SYPL1: variants seen among roughly 807,000 people sequenced by gnomAD.
The protein encoded by SYPL1 is synaptophysin like 1.
SYPL1 carries 6 observed loss-of-function variants against 23.7 expected under a neutral mutation model. That is an observed-to-expected ratio of 0.25 (90% CI 0.14 to 0.50). The LOEUF (loss-of-function observed/expected upper bound fraction) is 0.50, where lower values mean the gene tolerates loss of function less well. Ranked by LOEUF, SYPL1 falls within the 20% of genes least tolerant of loss-of-function variation. SYPL1 has a pLI of 0.98. For missense variants in SYPL1, 253 were observed against 288.9 expected, an observed-to-expected ratio of 0.88 and a Z score of 0.90; for synonymous variants, 102 against 104.5, an observed-to-expected ratio of 0.98 and a Z score of 0.15.
Position 106,091,715 on chromosome 7 carries a change from C to T in SYPL1, c.*90G>A, listed in dbSNP as rs1839737297. On this transcript the variant is annotated 3_prime_UTR_variant, in exon 5 of 5. Coordinates refer to ENST00000455385, the MANE Select transcript of SYPL1 (RefSeq NM_182715.4). The surrounding 1 kb of genome is among the most constrained non-coding windows in gnomAD (Gnocchi z 5.0). ...CACCAATATATTGACAAAGCCATTA[C>T]TTTTATTAGAAACAAATAATGCTTC... The T allele has an allele frequency of 1.4e-6, 2 of 1,391,936 alleles. No individual in the cohort carries two copies. Among genetic ancestry groups the T allele is most frequent in the Non-Finnish European group, 1.9e-6 (2 of 1,046,628 alleles). The allele number at this position is 1,391,936 out of a possible 1,614,324, so 86.2% of individuals were successfully genotyped here.
At position 106,097,772 on chromosome 7, in the gene SYPL1, A is replaced by G. The variant is rs1840094571; in HGVS notation, c.320T>C (p.Val107Ala). The G allele has an allele frequency of 3.7e-6, 6 of 1,614,008 alleles. No homozygotes were observed. In the South Asian group the frequency reaches 6.6e-5, roughly 18 times the overall value. The change falls in exon 3 of 5, where the codon GTG (valine) becomes GCG (alanine). Residue 107 changes from valine (V) to alanine (A), a missense_variant. By Grantham distance (64) the Val-to-Ala change is moderately conservative (BLOSUM62 0). Transcript: ENST00000455385. The surrounding 1 kb of genome is among the most constrained non-coding windows in gnomAD (Gnocchi z 4.6). ...AAGGGCAGCAATGCAGTACAGGAAC[A>G]CAAAGACTGCAAAGGTAACATAGAA... is the stretch of plus-strand genomic sequence containing the variant. The part of the protein sequence containing the change: ...AQFYVTFAVF[V>A]FLYCIAALLL...
Position 106,104,694 on chromosome 7 carries a change from T to A in SYPL1, c.70-5412A>T, listed in dbSNP as rs1424688395. Among the ~76,000 whole-genome samples the A allele has an allele frequency of 6.6e-6, 1 of 152,236 alleles. No individual in the cohort carries two copies. The highest frequency in any genetic ancestry group is 1.5e-5 in the Non-Finnish European group (1 of 68,048). ...TAAAGCTTTTTGTTATAAGGATAGA[T>A]AAATATCATGACAGCAATTCTGGTC... On this transcript the variant is annotated intron_variant, in intron 1 of 4. Coordinates refer to ENST00000455385, the MANE Select transcript of SYPL1 (RefSeq NM_182715.4). The surrounding 1 kb of genome is among the most constrained non-coding windows in gnomAD (Gnocchi z 4.1).
At chr7:106,093,363 A>C (rs978390191) in intron 3 of SYPL1, 8 of 424,662 alleles carry the variant, frequency 1.9e-5, no homozygotes, top group African/African-American at 1.6e-4. Flanking sequence ...ATCCCCTCAG[A>C]AGTCTAAGAT....
At chr7:106,107,235 G>C (rs1840649496) in intron 1 of SYPL1, among the ~76,000 whole-genome samples, 1 of 147,672 alleles carries the variant, frequency 6.8e-6, no homozygotes, top group Non-Finnish European at 1.5e-5. Flanking sequence ...CTAGAGCCAA[G>C]GTATGATTTT....
chr7:106,106,595 C>G (rs750377150), intron 1 of SYPL1, among the ~76,000 whole-genome samples: 8 of 150,258 alleles, frequency 5.3e-5, no homozygotes, highest in Non-Finnish European at 1.2e-4. Context: ...TGGTTCATCT[C>G]AGCATTTTGG....
intron 1 of SYPL1, chr7:106,111,921 G>A: frequency 2.7e-6 from 1 of 373,280 alleles, no homozygotes; most frequent in Non-Finnish European, 4.1e-6. Context: ...GGAGCCAGGC[G>A]GCCGAGGAGC....
At chr7:106,102,410 C>A (rs183923800) in intron 1 of SYPL1, among the ~76,000 whole-genome samples, 19 of 152,296 alleles carry the variant, frequency 1.2e-4, no homozygotes, top group African/African-American at 4.6e-4. Context: ...ATTGCAACTT[C>A]TGTCTTCCTT....
intron 1 of SYPL1, among the ~76,000 whole-genome samples, chr7:106,108,446 G>C (rs1290415994): frequency 1.3e-5 from 2 of 152,032 alleles, no homozygotes; most frequent in African/African-American, 2.4e-5. Flanking sequence ...GTCCCCTCCT[G>C]CTTCTATCCC....
chr7:106,103,440 C>A (rs1013395522), intron 1 of SYPL1, among the ~76,000 whole-genome samples: 1 of 152,170 alleles, frequency 6.6e-6, no homozygotes, highest in Non-Finnish European at 1.5e-5. Flanking sequence ...CTCTTTCTCA[C>A]ATTTCCAATT....
rs888616448 is a variant in SYPL1 at position 106,104,081 on chromosome 7, T to C, written c.70-4799A>G. 3.3e-5 allele frequency among the ~76,000 whole-genome samples: 5 copies of C among 152,216 alleles called. No individual in the cohort carries two copies. Among genetic ancestry groups the C allele is most frequent in the Admixed American group, 6.5e-5 (1 of 15,286 alleles). On this transcript the variant is annotated intron_variant, in intron 1 of 4. Coordinates refer to ENST00000455385, the MANE Select transcript of SYPL1 (RefSeq NM_182715.4). The surrounding 1 kb of genome is among the most constrained non-coding windows in gnomAD (Gnocchi z 4.1). ...ACCATGTATTTATGTCTTAAATGTATATGCTTCTTCTTCTGGGAATGCCCT... is the reference window on the plus strand; with the variant it reads ...ACCATGTATTTATGTCTTAAATGTACATGCTTCTTCTTCTGGGAATGCCCT...
Position 106,097,468 on chromosome 7 carries a change from A to G in SYPL1, c.402+222T>C, listed in dbSNP as rs1396170693. ...TTTATTACATATCTGAGTTTTTTCC[A>G]AGTTAAAATAGATTTAAAAAAGAAA... is the stretch of plus-strand genomic sequence containing the variant. On this transcript the variant is annotated intron_variant, in intron 3 of 4. Coordinates refer to ENST00000455385, the MANE Select transcript of SYPL1 (RefSeq NM_182715.4). The surrounding 1 kb of genome is among the most constrained non-coding windows in gnomAD (Gnocchi z 4.6). 1.3e-5 allele frequency among the ~76,000 whole-genome samples: 2 copies of G among 152,158 alleles called. No individual in the cohort carries two copies. The highest frequency in any genetic ancestry group is 1.5e-5 in the Non-Finnish European group (1 of 68,036).
intron 1 of SYPL1, among the ~76,000 whole-genome samples, chr7:106,108,460 CT>C (rs1840729940): frequency 6.6e-6 from 1 of 152,092 alleles, no homozygotes; most frequent in Admixed American, 6.5e-5. Flanking sequence ...CTATCCCTGT[CT>C]AGCGGCTTTA....
rs1424750857 is a variant in SYPL1, at chr7:106,097,176, C to G, written c.402+514G>C. Among the ~76,000 whole-genome samples the G allele has an allele frequency of 3.9e-5, 6 of 152,102 alleles. No homozygotes were observed. The highest frequency in any genetic ancestry group is 8.8e-5 in the Non-Finnish European group (6 of 68,030). On this transcript the variant is annotated intron_variant, in intron 3 of 4. Coordinates refer to ENST00000455385, the MANE Select transcript of SYPL1 (RefSeq NM_182715.4). This position sits in a 1 kb window ranked among gnomAD's most constrained non-coding sequence, Gnocchi z 4.6. ...CAAGATGGTGCTACTGCCCTCCTGC[C>G]TGGGCGACAAAGCGAGACCTTGTCT...
chr7:106,096,706 C>T lies in SYPL1; in HGVS notation c.402+984G>A, dbSNP rs1840033534. On this transcript the variant is annotated intron_variant, in intron 3 of 4. Transcript: ENST00000455385. This position sits in a 1 kb window ranked among gnomAD's most constrained non-coding sequence, Gnocchi z 4.4. ...AGATTCAAAATTAGTTCATGGTTGC[C>T]ACTAATGCTGAGTATAAGAATTACC... Among the ~76,000 whole-genome samples the T allele has an allele frequency of 6.6e-6, 1 of 152,200 alleles. No individual in the cohort carries two copies. Among genetic ancestry groups the T allele is most frequent in the Non-Finnish European group, 1.5e-5 (1 of 68,038 alleles).
rs1158595240 is a variant in SYPL1 at position 106,104,018 on chromosome 7, A to G, written c.70-4736T>C. On this transcript the variant is annotated intron_variant, in intron 1 of 4. Coordinates refer to ENST00000455385, the MANE Select transcript of SYPL1 (RefSeq NM_182715.4). The surrounding 1 kb of genome is among the most constrained non-coding windows in gnomAD (Gnocchi z 4.1). The stretch of plus-strand genomic sequence containing the variant: ...TCTATTCACTGCCAGGTACTGTATG[A>G]TTCTGTCACATTATACTGCTTACTG... Among the ~76,000 whole-genome samples the G allele has an allele frequency of 6.6e-6, 1 of 152,170 alleles. No individual in the cohort carries two copies. The highest frequency in any genetic ancestry group is 2.4e-5 in the African/African-American group (1 of 41,436).
At chr7:106,112,075 C>T in intron 1 of SYPL1, 65 bp downstream of exon 1, 1 of 1,300,246 alleles carries the variant, frequency 7.7e-7, no homozygotes, top group Non-Finnish European at 9.9e-7. Context: ...CGCAGGTCCC[C>T]GTCTCCCCGC....
rs114572179 is a variant in SYPL1, at chr7:106,104,069, G to A, written c.70-4787C>T. 4.6e-3 allele frequency among the ~76,000 whole-genome samples: 701 copies of A among 152,234 alleles called. 8 individuals carry two copies. The highest frequency in any genetic ancestry group is 0.016 in the African/African-American group (657 of 41,544). ...TTCCTGAAACATACCATGTATTTAT[G>A]TCTTAAATGTATATGCTTCTTCTTC... On this transcript the variant is annotated intron_variant, in intron 1 of 4. Transcript: ENST00000455385. This position sits in a 1 kb window ranked among gnomAD's most constrained non-coding sequence, Gnocchi z 4.1.
chr7:106,093,995 C>T (rs1427344653), intron 3 of SYPL1, among the ~76,000 whole-genome samples: 3 of 152,112 alleles, frequency 2.0e-5, no homozygotes, highest in South Asian at 2.1e-4. Flanking sequence ...GATCATAAGT[C>T]TAATCTTGTT....
rs1305948867 is a variant in SYPL1 at position 106,109,022 on chromosome 7, T to TAA, written c.69+3116_69+3117dup. ...TATTTCACTGCCACATACTTGCAGT[T>TAA]AAAAACAAAAAACCAAAAACAAAAA... On this transcript the variant is annotated intron_variant, in intron 1 of 4. Transcript: ENST00000455385. The surrounding 1 kb of genome is among the most constrained non-coding windows in gnomAD (Gnocchi z 4.3). Among the ~76,000 whole-genome samples the TAA allele has an allele frequency of 6.6e-6, 1 of 152,146 alleles. No homozygotes were observed. Among genetic ancestry groups the TAA allele is most frequent in the Non-Finnish European group, 1.5e-5 (1 of 68,036 alleles).
Sources: allele counts gnomAD v4.1 joint callset (sites outside exome capture counted in the v4.1 genomes callset), GRCh38; gene constraint gnomAD v4.1.1; non-coding constraint Gnocchi (gnomAD v3.1); transcripts MANE v1.5; gene names NCBI Gene and HGNC (gene_info 2026-07-23, HGNC 2026-07-21).